TEX29: variants seen among roughly 807,000 people sequenced by gnomAD.
TEX29 encodes the protein testis expressed 29.
TEX29 carries 26 observed loss-of-function variants against 18.2 expected under a neutral mutation model. The ratio of observed to expected loss-of-function variants is 1.43; its 90% CI spans 1.04 to 1.98. The LOEUF (loss-of-function observed/expected upper bound fraction) is 1.98. TEX29 is among the 30% of genes most tolerant of loss of function. TEX29 has a pLI of 0.00. For missense variants in TEX29, 177 were observed against 194.2 expected, an observed-to-expected ratio of 0.91 and a Z score of 0.53; for synonymous variants, 83 against 78.5, an observed-to-expected ratio of 1.06 and a Z score of -0.31.
intron 3 of TEX29, chr13:111,339,507 C>T (rs1386449788): frequency 2.4e-6 from 1 of 409,388 alleles, no homozygotes; most frequent in Non-Finnish European, 4.6e-6. Flanking sequence ...CTCAATGCAC[C>T]CCCGGGGGTC....
At chr13:111,338,737 A>T (rs900110872) in intron 3 of TEX29, among the ~76,000 whole-genome samples, 1 of 152,240 alleles carries the variant, frequency 6.6e-6, no homozygotes, top group African/African-American at 2.4e-5. Flanking sequence ...AACAATAAGA[A>T]TTACTCTGTA....
chr13:111,339,116 G>C (rs9522188), intron 3 of TEX29, among the ~76,000 whole-genome samples: 59,529 of 152,054 alleles, frequency 0.39, 12,683 homozygotes, highest in East Asian at 0.86. Context: ...GTGCACTCAC[G>C]CAGGGAAACC....
chr13:111,331,897 A>G (rs2479958), intron 3 of TEX29, among the ~76,000 whole-genome samples: 73,206 of 151,992 alleles, frequency 0.48, 18,210 homozygotes, highest in Middle Eastern at 0.57. Flanking sequence ...TCTCAATTCT[A>G]TTCTGTTCAT....
intron 3 of TEX29, among the ~76,000 whole-genome samples, chr13:111,336,491 A>G (rs2093689838): frequency 6.6e-6 from 1 of 152,224 alleles, no homozygotes; most frequent in Non-Finnish European, 1.5e-5. Flanking sequence ...TGTATTATTA[A>G]GAATATGAAT....
chr13:111,343,421 C>T (rs577228390), intron 5 of TEX29, among the ~76,000 whole-genome samples: 1 of 149,932 alleles, frequency 6.7e-6, no homozygotes, highest in East Asian at 2.0e-4. Flanking sequence ...CGTGGATGTG[C>T]GGGGAGGCTG....
intron 3 of TEX29, chr13:111,339,201 G>C: frequency 2.2e-6 from 1 of 452,690 alleles, no homozygotes; most frequent in Middle Eastern, 4.3e-4. Flanking sequence ...GAGAAGGCAC[G>C]GGAAACTTGG....
At chr13:111,316,893 G>T (rs546421256), upstream of TEX29, among the ~76,000 whole-genome samples, 81 of 152,280 alleles carry the variant, frequency 5.3e-4, no homozygotes, top group African/African-American at 1.9e-3. Context: ...GAAGGGGAAG[G>T]GGAGGCAAGG....
At chr13:111,318,300 A>ATT (rs2093657986), upstream of TEX29, among the ~76,000 whole-genome samples, 1 of 152,162 alleles carries the variant, frequency 6.6e-6, no homozygotes, top group Admixed American at 6.5e-5. Flanking sequence ...AGCTCCACAC[A>ATT]TTCCCATGGG....
intron 2 of TEX29, among the ~76,000 whole-genome samples, chr13:111,321,888 C>T (rs1473989007): frequency 6.6e-6 from 1 of 152,232 alleles, no homozygotes; most frequent in East Asian, 1.9e-4. Context: ...TGTGCCACTC[C>T]ACTCCAGCCT....
intron 3 of TEX29, 91 bp from the exon 4 acceptor site, chr13:111,339,772 G>C: frequency 5.2e-6 from 7 of 1,354,078 alleles, no homozygotes; most frequent in Non-Finnish European, 7.4e-6. Flanking sequence ...GGGAGGGCCC[G>C]CACCCGACTC....
chr13:111,330,455 A>G (rs867003190), intron 3 of TEX29, among the ~76,000 whole-genome samples: 1 of 152,338 alleles, frequency 6.6e-6, no homozygotes, highest in Middle Eastern at 3.4e-3. Context: ...CTGGCTTTAG[A>G]GACTCGGGAC....
chr13:111,320,979 G>T, intron 2 of TEX29, 31 bp downstream of exon 2: 1 of 1,315,036 alleles, frequency 7.6e-7, no homozygotes. Context: ...GGGGGCGGGT[G>T]GGGTGGGGGA....
upstream of TEX29, among the ~76,000 whole-genome samples, chr13:111,319,768 C>G (rs72653585): frequency 6.6e-6 from 1 of 152,096 alleles, no homozygotes; most frequent in Non-Finnish European, 1.5e-5. Flanking sequence ...TCTGGGATTA[C>G]AGGTGCGCAC....
intron 2 of TEX29, among the ~76,000 whole-genome samples, chr13:111,324,788 C>T (rs759541761): frequency 6.6e-6 from 1 of 152,232 alleles, no homozygotes; most frequent in Non-Finnish European, 1.5e-5. Flanking sequence ...CCTCTCTAGG[C>T]ACCATGCCCC....
intron 4 of TEX29, 32 bp downstream of exon 4, chr13:111,339,964 G>T (rs752296779): frequency 1.3e-6 from 2 of 1,536,110 alleles, no homozygotes; most frequent in Non-Finnish European, 1.8e-6. Context: ...TGGGAGGGTG[G>T]GGAGGAGGGG....
At chr13:111,339,784 G>A in intron 3 of TEX29, 79 bp from the exon 4 acceptor site, 5 of 1,489,810 alleles carry the variant, frequency 3.4e-6, no homozygotes, top group South Asian at 1.1e-5. Context: ...ACCCGACTCT[G>A]GGAGGGTTGC....
intron 3 of TEX29, among the ~76,000 whole-genome samples, chr13:111,337,853 C>T (rs1156593984): frequency 6.6e-6 from 1 of 152,168 alleles, no homozygotes; most frequent in Non-Finnish European, 1.5e-5. Flanking sequence ...CTCCCTTCCT[C>T]CAGCCTCTCT....
intron 3 of TEX29, 44 bp from the exon 4 acceptor site, chr13:111,339,819 T>C: frequency 6.2e-7 from 1 of 1,601,118 alleles, no homozygotes; most frequent in Non-Finnish European, 8.6e-7. Flanking sequence ...CTTCCTTTTC[T>C]ATTTACCTGG....
In TEX29 at chr13:111,320,896, A is replaced by G; in HGVS notation, c.6A>G (p.Glu2=). The G allele has an allele frequency of 6.3e-7, 1 of 1,587,532 alleles. No individual in the cohort carries two copies. The highest frequency in any genetic ancestry group is 1.1e-5 in the South Asian group (1 of 90,746). Residue 2 remains glutamate, a synonymous_variant, in exon 2 of 6, where the codon GAA becomes GAG. Coordinates refer to ENST00000283547, the MANE Select transcript of TEX29 (RefSeq NM_152324.3). ...TTCATCTGTCAGCTGCAGCAATGGA[A>G]TACGTGCTGGAAGTGAAGAACTCTC... M[E]YVLEVKNSPR...
Sources: allele counts gnomAD v4.1 joint callset (sites outside exome capture counted in the v4.1 genomes callset), GRCh38; gene constraint gnomAD v4.1.1; transcripts MANE v1.5; gene names NCBI Gene and HGNC (gene_info 2026-07-23, HGNC 2026-07-21).